The following CPVL variants were observed in gnomAD, a reference collection of about 807,000 sequenced individuals.
CPVL encodes probable serine carboxypeptidase CPVL.
Under a neutral mutation model 63.7 loss-of-function variants are expected in CPVL, and 51 were observed. The observed-to-expected ratio is 0.80, with a 90% CI of 0.64 to 1.01. CPVL has a LOEUF of 1.01. Among genes scored for constraint, CPVL ranks in the 50% least tolerant of loss-of-function variants. The probability of loss-of-function intolerance (pLI) is 0.00; values close to 1 mark genes in which losing one functional copy is unlikely to be tolerated. For missense variants in CPVL, 530 were observed against 573.1 expected (o/e 0.92, Z 0.77); for synonymous variants, 195 against 206.0 (o/e 0.95, Z 0.46).
intron 11 of CPVL, among the ~76,000 whole-genome samples, chr7:29,031,987 T>C (rs1788063344): frequency 6.6e-6 from 1 of 152,112 alleles, no homozygotes; most frequent in Non-Finnish European, 1.5e-5. Flanking sequence ...AGTAATATAC[T>C]CTCCTTTTTT....
Position 29,051,851 on chromosome 7 carries a change from T to C in CPVL, c.1137+12210A>G, listed in dbSNP as rs187884558. Among the ~76,000 whole-genome samples, 477 of 151,566 alleles carry C rather than the reference T, an allele frequency of 3.1e-3. 3 individuals carry two copies. The highest frequency in any genetic ancestry group is 0.011 in the African/African-American group (454 of 41,304). ...TCCGTGGAACCAAAACCAACCCAAA[T>C]GCCCATCAACCAACGAGTGGATAAA... On this transcript the variant is annotated intron_variant, in intron 11 of 12. Coordinates refer to ENST00000265394, the MANE Select transcript of CPVL (RefSeq NM_031311.5).
chr7:29,059,121 A>G (rs772999886), intron 11 of CPVL, among the ~76,000 whole-genome samples: 3 of 151,828 alleles, frequency 2.0e-5, no homozygotes, highest in Non-Finnish European at 2.9e-5. Flanking sequence ...TTTACTTTTC[A>G]GTTTTGGAAG....
rs10568146 is a variant in CPVL, at chr7:29,103,180, T to TGGGGGGGG, written c.289-6971_289-6964dup. The stretch of plus-strand genomic sequence containing the variant: ...TCACTGAAACAGTAAGTTAATATAC[T>TGGGGGGGG]GGGGGGGGGGGGGGGGTGCTAAAAA... On this transcript the variant is annotated intron_variant, in intron 3 of 12. Coordinates refer to ENST00000265394, the MANE Select transcript of CPVL (RefSeq NM_031311.5). Among the ~76,000 whole-genome samples the TGGGGGGGG allele has an allele frequency of 2.1e-4, 12 of 56,150 alleles. 1 individual carries two copies. Among genetic ancestry groups the TGGGGGGGG allele is most frequent in the Admixed American group, 1.4e-3 (4 of 2,894 alleles). The allele number at this position is 56,150 out of a possible 152,430, so 36.8% of individuals were successfully genotyped here.
At position 29,079,812 on chromosome 7, in the gene CPVL, T is replaced by A. The variant is rs192411716; in HGVS notation, c.609+6672A>T. ...ATGTTAGTGCTTGAAATTACCCTAT[T>A]ACAAATATCTACCCATCAGGTAGGC... On this transcript the variant is annotated intron_variant, in intron 7 of 12. Transcript: ENST00000265394. Among the ~76,000 whole-genome samples the A allele has an allele frequency of 1.2e-4, 18 of 152,260 alleles. No individual in the cohort carries two copies. In the East Asian group the frequency reaches 2.9e-3, roughly 25 times the overall value.
At chr7:29,183,161 T>C (rs1798280506) in intron 4 of CPVL, among the ~76,000 whole-genome samples, 1 of 151,746 alleles carries the variant, frequency 6.6e-6, no homozygotes, top group Non-Finnish European at 1.5e-5. Context: ...CTTGGCTCAT[T>C]GTAACCTCCG....
chr7:29,083,146 A>G (rs1022067780), intron 7 of CPVL, among the ~76,000 whole-genome samples: 1 of 150,062 alleles, frequency 6.7e-6, no homozygotes, highest in African/African-American at 2.4e-5. Context: ...AATAGCTTAT[A>G]AAGAGAAGAA....
intron 3 of CPVL, 139 bp downstream of exon 3, chr7:29,112,565 T>C (rs1788349662): frequency 5.1e-6 from 3 of 587,750 alleles, no homozygotes; most frequent in Admixed American, 5.7e-5. Context: ...TGCTTATTTT[T>C]AGAAAAACAA....
intron 1 of CPVL, among the ~76,000 whole-genome samples, chr7:29,129,511 C>T (rs1790453574): frequency 6.6e-6 from 1 of 150,552 alleles, no homozygotes; most frequent in African/African-American, 2.4e-5. Flanking sequence ...CGCTCGGTCG[C>T]CAGGGTGGAG....
At chr7:29,164,779 CAAAA>C (rs55742522) in intron 5 of CPVL, among the ~76,000 whole-genome samples, 3 of 85,870 alleles carry the variant, frequency 3.5e-5, no homozygotes, top group Admixed American at 1.4e-4. Context: ...AGACCTGTCT[CAAAA>C]AAAAAAAAAA....
At chr7:29,129,476 C>CCTT (rs763142606) in intron 1 of CPVL, among the ~76,000 whole-genome samples, 10 of 146,484 alleles carry the variant, frequency 6.8e-5, no homozygotes, top group Non-Finnish European at 1.3e-4. Context: ...TTTGCCATTA[C>CCTT]TTTTTTTTTT....
intron 12 of CPVL, among the ~76,000 whole-genome samples, chr7:29,024,855 C>G (rs1234663128): frequency 6.6e-6 from 1 of 152,120 alleles, no homozygotes; most frequent in Non-Finnish European, 1.5e-5. Context: ...AGTCCTATAA[C>G]TGGAAGTGAA....
chr7:29,062,461 AAAGT>A (rs779499988), intron 11 of CPVL, among the ~76,000 whole-genome samples: 3 of 152,220 alleles, frequency 2.0e-5, no homozygotes, highest in Admixed American at 6.5e-5. Flanking sequence ...TCTTTCCAAG[AAAGT>A]AAGTATTTCA....
intron 4 of CPVL, chr7:29,184,301 A>G (rs998776433): frequency 2.6e-4 from 39 of 151,328 alleles, no homozygotes; most frequent in African/African-American, 9.2e-4. Flanking sequence ...TAGGAATATT[A>G]TATATGGTAT....
At chr7:29,185,905 T>G (rs6962639) in intron 2 of CPVL, among the ~76,000 whole-genome samples, 18,167 of 152,222 alleles carry the variant, frequency 0.12, 1,228 homozygotes, top group East Asian at 0.24. Flanking sequence ...GGTCCCTCCT[T>G]GCAATTAAAT....
intron 11 of CPVL, among the ~76,000 whole-genome samples, chr7:29,032,528 AGTT>A (rs1244671282): frequency 6.6e-6 from 1 of 152,234 alleles, no homozygotes; most frequent in Non-Finnish European, 1.5e-5. Flanking sequence ...AACCTCCTAT[AGTT>A]GTTTTGGCCA....
At chr7:29,164,242 A>G (rs1216919836) in intron 5 of CPVL, among the ~76,000 whole-genome samples, 1 of 152,152 alleles carries the variant, frequency 6.6e-6, no homozygotes, top group Non-Finnish European at 1.5e-5. Flanking sequence ...CCTAATGACT[A>G]ATGATGTCCA....
At chr7:29,172,775 A>G (rs563105265) in intron 5 of CPVL, among the ~76,000 whole-genome samples, 1 of 152,178 alleles carries the variant, frequency 6.6e-6, no homozygotes, top group African/African-American at 2.4e-5. Context: ...ATATTATAAA[A>G]CTTTTTTTTT....
intron 12 of CPVL, among the ~76,000 whole-genome samples, chr7:29,021,070 T>C (rs1469305181): frequency 6.6e-6 from 1 of 151,996 alleles, no homozygotes; most frequent in Admixed American, 6.6e-5. Context: ...CCCAGCTACT[T>C]GGGAGGCTGA....
rs76367075 is a variant in CPVL, at chr7:29,175,687, A to C, written c.-11+5603T>G. ...CATGAGAACAGACTAACACAGATAAATTGATTGATAGCCAACGGGAAGGAG... is the reference window on the plus strand; with the variant it reads ...CATGAGAACAGACTAACACAGATAACTTGATTGATAGCCAACGGGAAGGAG... On this transcript the variant is annotated intron_variant, in intron 5 of 16. Transcript: ENST00000409850. Among the ~76,000 whole-genome samples the C allele has an allele frequency of 8.2e-3, 1,254 of 152,256 alleles. 22 individuals carry two copies. The highest frequency in any genetic ancestry group is 0.028 in the African/African-American group (1,154 of 41,538).
Sources: allele counts gnomAD v4.1 joint callset (sites outside exome capture counted in the v4.1 genomes callset), GRCh38; gene constraint gnomAD v4.1.1; transcripts MANE v1.5; gene names NCBI Gene and HGNC (gene_info 2026-07-23, HGNC 2026-07-21).